C5orf63: variants seen among roughly 807,000 people sequenced by gnomAD.
C5orf63 encodes the protein glutaredoxin-like protein C5orf63.
Under a neutral mutation model 13.3 loss-of-function variants are expected in C5orf63, and 18 were observed. The ratio of observed to expected loss-of-function variants is 1.36; its 90% CI spans 0.94 to 2.01. C5orf63 has a LOEUF of 2.01. Ranked by LOEUF, C5orf63 falls within the 30% of genes most tolerant of loss-of-function variation. The pLI, the probability that C5orf63 is intolerant of heterozygous loss-of-function variation, is 0.00. For missense variants in C5orf63, 118 were observed against 127.7 expected (o/e 0.92, Z 0.36); for synonymous variants, 38 against 44.7 (o/e 0.85, Z 0.60).
chr5:127,055,068 A>G (rs914409661), intron 3 of C5orf63, among the ~76,000 whole-genome samples: 2 of 152,124 alleles, frequency 1.3e-5, no homozygotes, highest in Non-Finnish European at 2.9e-5. Flanking sequence ...ATTATTTCTG[A>G]GGGCTCTGTT....
intron 2 of C5orf63, among the ~76,000 whole-genome samples, chr5:127,068,788 C>T (rs1754421652): frequency 6.6e-6 from 1 of 152,136 alleles, no homozygotes; most frequent in South Asian, 2.1e-4. Context: ...GTGCACATGA[C>T]AATGTCAGGG....
intron 1 of C5orf63, among the ~76,000 whole-genome samples, chr5:127,072,456 T>C (rs924749729): frequency 2.6e-5 from 4 of 152,208 alleles, no homozygotes; most frequent in Admixed American, 6.5e-5. Flanking sequence ...CGACCTCTAA[T>C]AGACACCTCA....
intron 2 of C5orf63, among the ~76,000 whole-genome samples, chr5:127,066,911 G>C (rs939835075): frequency 6.6e-6 from 1 of 152,180 alleles, no homozygotes; most frequent in Non-Finnish European, 1.5e-5. Flanking sequence ...TGTCATCACA[G>C]AAGTCAATGA....
intron 3 of C5orf63, among the ~76,000 whole-genome samples, chr5:127,055,580 T>C (rs181085457): frequency 6.6e-6 from 1 of 152,224 alleles, no homozygotes; most frequent in Non-Finnish European, 1.5e-5. Flanking sequence ...AAAGGGTCTT[T>C]CTGGCCCTAA....
intron 3 of C5orf63, among the ~76,000 whole-genome samples, chr5:127,053,349 C>T (rs1020808118): frequency 1.1e-4 from 16 of 151,242 alleles, no homozygotes; most frequent in African/African-American, 2.9e-4. Flanking sequence ...TATGGATCGT[C>T]GGCAGATTTT....
chr5:127,057,169 C>T (rs1753915632), intron 3 of C5orf63, among the ~76,000 whole-genome samples: 1 of 152,084 alleles, frequency 6.6e-6, no homozygotes, highest in South Asian at 2.1e-4. Flanking sequence ...TCCATAATTT[C>T]CAACAGTGCA....
chr5:127,060,769 TG>T (rs77162222), intron 2 of C5orf63, among the ~76,000 whole-genome samples: 3,118 of 152,350 alleles, frequency 0.02, 77 homozygotes, highest in South Asian at 0.12. Context: ...TCACTTGGCC[TG>T]GGCCTCATGT....
At chr5:127,059,221 C>T (rs1754005595) in intron 2 of C5orf63, among the ~76,000 whole-genome samples, 1 of 152,068 alleles carries the variant, frequency 6.6e-6, no homozygotes, top group South Asian at 2.1e-4. Flanking sequence ...GAAAAAAATC[C>T]CTTGTTATGA....
chr5:127,071,292 G>A lies in C5orf63; in HGVS notation c.-8+292C>T, dbSNP rs574802891. Among the ~76,000 whole-genome samples the A allele has an allele frequency of 1.8e-3, 271 of 152,206 alleles. 1 individual carries two copies. The highest frequency in any genetic ancestry group is 6.4e-3 in the African/African-American group (265 of 41,536). On this transcript the variant is annotated intron_variant, in intron 2 of 4. Coordinates refer to ENST00000296662, the MANE Select transcript of C5orf63 (RefSeq NM_001164478.2). ...GAAATGGTCTGAAATCCTTGGAGAT[G>A]GATACTTTCTAAAAATAGTAGGTAG...
chr5:127,071,200 CAAAT>C (rs769602709), intron 2 of C5orf63, among the ~76,000 whole-genome samples: 1 of 152,130 alleles, frequency 6.6e-6, no homozygotes, highest in Non-Finnish European at 1.5e-5. Flanking sequence ...GACTCACAAA[CAAAT>C]AACACAATAC....
intron 3 of C5orf63, among the ~76,000 whole-genome samples, chr5:127,057,203 G>A (rs1369355490): frequency 1.3e-5 from 2 of 152,146 alleles, no homozygotes; most frequent in Non-Finnish European, 2.9e-5. Flanking sequence ...GATATAAAAA[G>A]TAGTTTAGAT....
downstream of C5orf63, chr5:127,047,905 T>A: frequency 1.4e-6 from 1 of 692,872 alleles, no homozygotes; most frequent in Non-Finnish European, 2.6e-6. Flanking sequence ...CTTCTGATCC[T>A]TGTAGGGTTG....
downstream of C5orf63, chr5:127,044,351 A>G (rs1240417513): frequency 1.3e-5 from 2 of 152,050 alleles, no homozygotes; most frequent in Non-Finnish European, 2.9e-5. Context: ...TATTAATATT[A>G]ATATTTCCCC....
At chr5:127,070,762 G>A (rs1158771880) in intron 2 of C5orf63, among the ~76,000 whole-genome samples, 1 of 152,172 alleles carries the variant, frequency 6.6e-6, no homozygotes, top group Non-Finnish European at 1.5e-5. Flanking sequence ...TGGGTGAGGC[G>A]TTGCATGGCA....
intron 2 of C5orf63, among the ~76,000 whole-genome samples, chr5:127,071,309 A>G (rs1754530725): frequency 6.6e-6 from 1 of 152,204 alleles, no homozygotes; most frequent in African/African-American, 2.4e-5. Flanking sequence ...TTCTAAAAAT[A>G]GTAGGTAGGT....
intron 1 of C5orf63, among the ~76,000 whole-genome samples, chr5:127,072,928 AGAG>A (rs1310288125): frequency 3.3e-5 from 5 of 152,226 alleles, no homozygotes; most frequent in Non-Finnish European, 7.3e-5. Flanking sequence ...AATAAGGCTG[AGAG>A]GAGATCCAGA....
intron 3 of C5orf63, among the ~76,000 whole-genome samples, chr5:127,054,162 GT>G (rs1178013468): frequency 1.3e-5 from 2 of 152,062 alleles, no homozygotes; most frequent in Non-Finnish European, 2.9e-5. Context: ...TCTAGATTGG[GT>G]TTTTTGTTTT....
intron 3 of C5orf63, among the ~76,000 whole-genome samples, chr5:127,053,314 T>C (rs373455846): frequency 6.6e-6 from 1 of 152,192 alleles, no homozygotes; most frequent in South Asian, 2.1e-4. Flanking sequence ...ATAAACCATC[T>C]AGCAGAGAAG....
At chr5:127,059,862 C>G (rs1440143445) in intron 2 of C5orf63, among the ~76,000 whole-genome samples, 1 of 151,706 alleles carries the variant, frequency 6.6e-6, no homozygotes, top group African/African-American at 2.4e-5. Context: ...AAACACAAAG[C>G]TGGCCAGGCG....
Sources: allele counts gnomAD v4.1 joint callset (sites outside exome capture counted in the v4.1 genomes callset), GRCh38; gene constraint gnomAD v4.1.1; transcripts MANE v1.5; gene names NCBI Gene and HGNC (gene_info 2026-07-23, HGNC 2026-07-21).